Variants in PRTG observed in about 807,000 individuals in gnomAD.
PRTG encodes protogenin.
Under a neutral mutation model 122.5 loss-of-function variants are expected in PRTG, and 67 were observed. That is an observed-to-expected ratio of 0.55 (90% CI 0.45 to 0.67). The LOEUF (loss-of-function observed/expected upper bound fraction) is 0.67, where lower values mean the gene tolerates loss of function less well. Among genes scored for constraint, PRTG ranks in the 30% least tolerant of loss-of-function variants. The probability of loss-of-function intolerance (pLI) is 0.00; values close to 1 mark genes in which losing one functional copy is unlikely to be tolerated. For missense variants in PRTG, 1,435 were observed against 1,415.4 expected, an observed-to-expected ratio of 1.01 and a Z score of -0.22; for synonymous variants, 554 against 501.1, an observed-to-expected ratio of 1.11 and a Z score of -1.41.
chr15:55,695,692 G>A (rs932843348), intron 2 of PRTG, among the ~76,000 whole-genome samples: 3 of 152,242 alleles, frequency 2.0e-5, no homozygotes, highest in Non-Finnish European at 4.4e-5. Context: ...CAAGAACACA[G>A]GGAGGGCTGG....
rs142080007 is a variant in PRTG at position 55,692,097 on chromosome 15, C to T, written c.398-8166G>A. Reference sequence around the variant, plus strand: ...AAGTATGTAAACTCAGTTATACTACCTCAAGCTAAAATTTAGTAGTCAAAT... The same window carrying T: ...AAGTATGTAAACTCAGTTATACTACTTCAAGCTAAAATTTAGTAGTCAAAT... On this transcript the variant is annotated intron_variant, in intron 2 of 19. Coordinates refer to ENST00000389286, the MANE Select transcript of PRTG (RefSeq NM_173814.6). 4.2e-3 allele frequency among the ~76,000 whole-genome samples: 644 copies of T among 152,048 alleles called. 8 individuals carry two copies. Among genetic ancestry groups the T allele is most frequent in the African/African-American group, 0.015 (611 of 41,462 alleles).
At position 55,612,070 on chromosome 15, in the gene PRTG, C is replaced by T. The variant is rs1008607671; in HGVS notation, c.*7942G>A. On this transcript the variant is annotated 3_prime_UTR_variant, in exon 20 of 20. Coordinates refer to ENST00000389286, the MANE Select transcript of PRTG (RefSeq NM_173814.6). The stretch of plus-strand genomic sequence containing the variant: ...ATAAAATTTTGTCCAACAACAGCAA[C>T]AAGCAGACACATTTTCTTAACATAT... 1.3e-5 allele frequency: 2 copies of T among 151,762 alleles called. No individual in the cohort carries two copies. The highest frequency in any genetic ancestry group is 2.4e-5 in the African/African-American group (1 of 41,352). 9.4% of individuals were successfully genotyped at this position (151,762 alleles called of 1,614,324 possible).
chr15:55,713,174 A>T (rs1431433309), intron 2 of PRTG, among the ~76,000 whole-genome samples: 1 of 152,208 alleles, frequency 6.6e-6, no homozygotes, highest in Non-Finnish European at 1.5e-5. Flanking sequence ...TTTTAGTAAT[A>T]CCTATGTATT....
chr15:55,701,905 T>C (rs2029905224), intron 2 of PRTG, among the ~76,000 whole-genome samples: 1 of 151,994 alleles, frequency 6.6e-6, no homozygotes, highest in African/African-American at 2.4e-5. Context: ...AAATGCAAAA[T>C]ATATGGGCTG....
intron 2 of PRTG, among the ~76,000 whole-genome samples, chr15:55,711,715 G>T (rs1365287981): frequency 6.7e-6 from 1 of 149,854 alleles, no homozygotes; most frequent in Non-Finnish European, 1.5e-5. Context: ...GTATACACAC[G>T]AGTAAGTGCA....
intron 2 of PRTG, among the ~76,000 whole-genome samples, chr15:55,709,380 T>C (rs2030289196): frequency 6.8e-6 from 1 of 146,626 alleles, no homozygotes; most frequent in African/African-American, 2.5e-5. Flanking sequence ...ATATACAATA[T>C]ATATATATAG....
Position 55,619,978 on chromosome 15 carries a change from G to A in PRTG, c.*34C>T, listed in dbSNP as rs371590764. ...CAGGGTCTTCACACTTCCTCAATGCGGAATCTCCACCTGAATCACTGCCAG... is the reference window on the plus strand; with the variant it reads ...CAGGGTCTTCACACTTCCTCAATGCAGAATCTCCACCTGAATCACTGCCAG... On this transcript the variant is annotated 3_prime_UTR_variant, in exon 20 of 20. Transcript: ENST00000389286. The A allele has an allele frequency of 7.5e-6, 12 of 1,610,688 alleles. No individual in the cohort carries two copies. Among genetic ancestry groups the A allele is most frequent in the African/African-American group, 2.7e-5 (2 of 74,842 alleles).
rs2031575090 is a variant in PRTG, at chr15:55,740,507, C to G, written c.272G>C (p.Gly91Ala). 1 of 1,614,166 alleles carries G rather than the reference C, an allele frequency of 6.2e-7. No homozygotes were observed. The highest frequency in any genetic ancestry group is 2.2e-5 in the East Asian group (1 of 44,882). Reference sequence around the variant, plus strand: ...TTCCACCTCACTGATGTATAAAGAGCCGTTAGAAAGAACCTCGATCCGTTT... The same window carrying G: ...TTCCACCTCACTGATGTATAAAGAGGCGTTAGAAAGAACCTCGATCCGTTT... ...ENKRIEVLSNGSLYISEVEGR... is the reference protein window; with the variant it reads ...ENKRIEVLSNASLYISEVEGR... The change falls in exon 2 of 20, where the codon GGC (glycine) becomes GCC (alanine). Residue 91 changes from glycine (G) to alanine (A), a missense_variant. Gly to Ala is a moderately conservative substitution (Grantham distance 60). Coordinates refer to ENST00000389286, the MANE Select transcript of PRTG (RefSeq NM_173814.6).
chr15:55,698,052 C>T (rs1428830538), intron 2 of PRTG, among the ~76,000 whole-genome samples: 1 of 152,140 alleles, frequency 6.6e-6, no homozygotes, highest in East Asian at 1.9e-4. Context: ...GTAACCATTC[C>T]AACTTGCACC....
At chr15:55,664,619 C>A (rs761134717) in intron 11 of PRTG, among the ~76,000 whole-genome samples, 7 of 151,966 alleles carry the variant, frequency 4.6e-5, no homozygotes, top group Admixed American at 3.9e-4. Flanking sequence ...GTCTCACAGG[C>A]CCTACTTCAC....
Position 55,673,554 on chromosome 15 carries a change from G to C in PRTG, c.1669C>G (p.Arg557Gly), listed in dbSNP as rs1318387570. The C allele has an allele frequency of 6.2e-7, 1 of 1,614,052 alleles. No homozygotes were observed. Reference sequence around the variant, plus strand: ...TGGATTGAATTCTCAGTACTTAGGCGGAAAGACAAGCGATACAGCACCACT... The same window carrying C: ...TGGATTGAATTCTCAGTACTTAGGCCGAAAGACAAGCGATACAGCACCACT... The part of the protein sequence containing the change: ...GQVVLYRLSF[R>G]LSTENSIQVL... Residue 557 changes from arginine (R) to glycine (G), a missense_variant, in exon 10 of 20, where the codon CGC (arginine) becomes GGC (glycine). Transcript: ENST00000389286.
At chr15:55,623,626 G>C (rs1368268868) in intron 18 of PRTG, among the ~76,000 whole-genome samples, 2 of 152,186 alleles carry the variant, frequency 1.3e-5, no homozygotes, top group African/African-American at 2.4e-5. Context: ...CAGGCCCCAG[G>C]CTAGCCTGGG....
At chr15:55,624,259 C>G in intron 18 of PRTG, 83 bp downstream of exon 18, 1 of 1,246,384 alleles carries the variant, frequency 8.0e-7, no homozygotes, top group Non-Finnish European at 1.1e-6. Context: ...ATTCAACATA[C>G]AATTTTGGGG....
intron 2 of PRTG, among the ~76,000 whole-genome samples, chr15:55,730,443 T>C (rs1349164927): frequency 7.9e-5 from 12 of 151,994 alleles, no homozygotes; most frequent in Admixed American, 7.9e-4. Flanking sequence ...TTATATATAT[T>C]TGAATACAAA....
chr15:55,730,227 G>A (rs2031182524), intron 2 of PRTG, among the ~76,000 whole-genome samples: 1 of 151,938 alleles, frequency 6.6e-6, no homozygotes, highest in Non-Finnish European at 1.5e-5. Context: ...TCAGCCTCCT[G>A]AGTAGCTGGC....
intron 2 of PRTG, among the ~76,000 whole-genome samples, chr15:55,709,910 C>T (rs1193234143): frequency 6.6e-6 from 1 of 152,102 alleles, no homozygotes; most frequent in Non-Finnish European, 1.5e-5. Flanking sequence ...TGAGTATGTT[C>T]TCATTGTGGT....
chr15:55,678,232 G>A (rs1015091294), intron 7 of PRTG, among the ~76,000 whole-genome samples, 188 bp from the exon 8 acceptor site: 25 of 152,054 alleles, frequency 1.6e-4, no homozygotes, highest in Admixed American at 1.2e-3. Context: ...TGTTTTTGTC[G>A]TTTTCTTTCT....
At chr15:55,706,252 C>G (rs1168170049) in intron 2 of PRTG, among the ~76,000 whole-genome samples, 1 of 151,782 alleles carries the variant, frequency 6.6e-6, no homozygotes, top group Admixed American at 6.6e-5. Flanking sequence ...GATGCTACAA[C>G]AACTACTGGC....
chr15:55,663,284 G>A (rs2059419826), intron 11 of PRTG, among the ~76,000 whole-genome samples: 1 of 152,014 alleles, frequency 6.6e-6, no homozygotes, highest in African/African-American at 2.4e-5. Context: ...TGGAGAGCTG[G>A]GATCAAACCC....
Sources: gnomAD v4.1 joint callset for allele counts (sites outside exome capture counted in the v4.1 genomes callset) on GRCh38, gnomAD v4.1.1 for gene constraint, MANE v1.5 for transcripts, NCBI Gene and HGNC (gene_info 2026-07-23, HGNC 2026-07-21) for gene names.